ZNF831: variants seen among roughly 807,000 people sequenced by gnomAD.
The protein encoded by ZNF831 is chromosome 20 open reading frame 174.
In ZNF831, 59 loss-of-function variants were observed where a neutral mutation model predicts 95.8. That is an observed-to-expected ratio of 0.62 (90% CI 0.50 to 0.77). The LOEUF (loss-of-function observed/expected upper bound fraction) is 0.77, where lower values mean the gene tolerates loss of function less well. Among genes scored for constraint, ZNF831 ranks in the 30% least tolerant of loss-of-function variants. The pLI is 0.00. For missense variants in ZNF831, 2,205 were observed against 2,164.0 expected (o/e 1.02, Z -0.38); for synonymous variants, 961 against 925.5 (o/e 1.04, Z -0.70).
intron 1 of ZNF831, among the ~76,000 whole-genome samples, chr20:59,170,388 C>T (rs796625330): frequency 2.6e-5 from 4 of 152,298 alleles, no homozygotes; most frequent in African/African-American, 9.6e-5. Flanking sequence ...TCCTCTTTGA[C>T]CCATGGATTA....
At chr20:59,248,668 G>A (rs974301970) in intron 4 of ZNF831, among the ~76,000 whole-genome samples, 1 of 152,194 alleles carries the variant, frequency 6.6e-6, no homozygotes, top group African/African-American at 2.4e-5. Context: ...TGAATTGCAT[G>A]GTTGTTTTGT....
intron 4 of ZNF831, among the ~76,000 whole-genome samples, chr20:59,224,892 T>C (rs1445206697): frequency 6.6e-6 from 1 of 152,218 alleles, no homozygotes; most frequent in Admixed American, 6.5e-5. Context: ...GTTTTGTATG[T>C]TTTAATATGA....
At chr20:59,140,398 G>A (rs1304593975) in intron 1 of ZNF831, among the ~76,000 whole-genome samples, 1 of 152,166 alleles carries the variant, frequency 6.6e-6, no homozygotes, top group East Asian at 1.9e-4. Context: ...TCTGCTCCTG[G>A]TTGAGACTGG....
chr20:59,144,996 G>T (rs1379288958), intron 1 of ZNF831, among the ~76,000 whole-genome samples: 5 of 152,214 alleles, frequency 3.3e-5, no homozygotes, highest in African/African-American at 1.2e-4. Context: ...GGCAGGAGCA[G>T]TGAGGAGTAG....
intron 1 of ZNF831, among the ~76,000 whole-genome samples, chr20:59,166,670 C>A (rs914041512): frequency 2.0e-5 from 3 of 152,130 alleles, no homozygotes; most frequent in East Asian, 1.9e-4. Context: ...TGAATGGAAT[C>A]ATTCAGTGTG....
intron 1 of ZNF831, among the ~76,000 whole-genome samples, chr20:59,131,456 G>C (rs554596496): frequency 3.9e-5 from 6 of 152,330 alleles, no homozygotes; most frequent in Admixed American, 1.3e-4. Context: ...CCTCTGACTT[G>C]ACAGAGGGGA....
At position 59,176,798 on chromosome 20, in the gene ZNF831, A is replaced by AT. The variant is rs148461116; in HGVS notation, c.-37+12595dup. 1.7e-3 allele frequency among the ~76,000 whole-genome samples: 262 copies of AT among 152,252 alleles called. 2 individuals carry two copies. The highest frequency in any genetic ancestry group is 6.1e-3 in the African/African-American group (252 of 41,530). ...GAATTCAGCACTGCATCTGTTTGCT[A>AT]TTTTCCTGGATAATTATTGTAATTA... On this transcript the variant is annotated intron_variant, in intron 1 of 5. Transcript: ENST00000371030.
intron 4 of ZNF831, among the ~76,000 whole-genome samples, chr20:59,226,330 A>G (rs956956699): frequency 6.6e-6 from 1 of 152,110 alleles, no homozygotes; most frequent in Non-Finnish European, 1.5e-5. Context: ...GTTTTGTGCT[A>G]CAAGTGATGT....
chr20:59,245,773 C>T (rs1194122520), intron 4 of ZNF831, among the ~76,000 whole-genome samples: 1 of 152,158 alleles, frequency 6.6e-6, no homozygotes, highest in African/African-American at 2.4e-5. Flanking sequence ...GAATTCTGTA[C>T]ACGACCAAGC....
At chr20:59,227,746 A>G (rs1254123715) in intron 4 of ZNF831, among the ~76,000 whole-genome samples, 3 of 152,246 alleles carry the variant, frequency 2.0e-5, no homozygotes, top group Non-Finnish European at 4.4e-5. Flanking sequence ...ACACCATCAT[A>G]AACACCTCAG....
rs767282173 is a variant in ZNF831 at position 59,253,949 on chromosome 20, G to A, written c.4240G>A (p.Ala1414Thr). Residue 1414 changes from alanine to threonine, a missense_variant, in exon 6 of 6, where the codon GCT becomes ACT. By Grantham distance (58) the Ala-to-Thr change is moderately conservative. Coordinates refer to ENST00000371030, the MANE Select transcript of ZNF831 (RefSeq NM_178457.3). ...TGGTGACTGTACTACTCACAGCACT[G>A]CTGCCACATCAGGATTATCTCTGCA... ...EHGDCTTHST[A>T]ATSGLSLQSD... 8 of 1,599,990 alleles carry A rather than the reference G, an allele frequency of 5.0e-6. No individual in the cohort carries two copies. The highest frequency in any genetic ancestry group is 6.0e-6 in the Non-Finnish European group (7 of 1,175,994).
chr20:59,193,294 T>C lies in ZNF831; in HGVS notation c.2275T>C (p.Trp759Arg). The C allele has an allele frequency of 6.2e-7, 1 of 1,611,028 alleles. No individual in the cohort carries two copies. Among genetic ancestry groups the C allele is most frequent in the Non-Finnish European group, 8.5e-7 (1 of 1,178,754 alleles). Residue 759 changes from tryptophan to arginine, a missense_variant, in exon 2 of 6, where the codon TGG becomes CGG. Trp to Arg is a moderately radical substitution (Grantham distance 101). Coordinates refer to ENST00000371030, the MANE Select transcript of ZNF831 (RefSeq NM_178457.3). ...TCCAAATGGGAGGCTGGAACTGGGGTGGCAGATGCCCCCAGCACCTGGCCC... is the reference window on the plus strand; with the variant it reads ...TCCAAATGGGAGGCTGGAACTGGGGCGGCAGATGCCCCCAGCACCTGGCCC... ...VSPNGRLELG[W>R]QMPPAPGPLK...
At chr20:59,127,209 A>G (rs1448358974) in intron 1 of ZNF831, among the ~76,000 whole-genome samples, 3 of 152,056 alleles carry the variant, frequency 2.0e-5, no homozygotes, top group African/African-American at 7.2e-5. Flanking sequence ...GCATAGTCTG[A>G]ATCTGGCCAT....
At chr20:59,138,975 A>T (rs1005303293) in intron 1 of ZNF831, among the ~76,000 whole-genome samples, 1 of 149,342 alleles carries the variant, frequency 6.7e-6, no homozygotes, top group African/African-American at 2.5e-5. Flanking sequence ...CTCTCCGTCC[A>T]TTTCCCCAGA....
chr20:59,247,952 GTTTA>G (rs1003492141), intron 4 of ZNF831, among the ~76,000 whole-genome samples: 149 of 152,290 alleles, frequency 9.8e-4, no homozygotes, highest in African/African-American at 3.4e-3. Context: ...TCATCATGTT[GTTTA>G]TTTATTTCAT....
chr20:59,221,048 G>A (rs1006239196), intron 4 of ZNF831, among the ~76,000 whole-genome samples: 2 of 152,344 alleles, frequency 1.3e-5, no homozygotes, highest in Admixed American at 1.3e-4. Flanking sequence ...TGAGATTGAG[G>A]AGAGGCTCAA....
chr20:59,192,168 A>G lies in ZNF831; in HGVS notation c.1149A>G (p.Pro383=). The change falls in exon 2 of 6, where the codon CCA becomes CCG. Residue 383 remains proline (P), a synonymous_variant. Transcript: ENST00000371030. The surrounding 1 kb of genome is among the most constrained non-coding windows in gnomAD (Gnocchi z 5.2). ...SEGEGGPGPG[P]GVAGAEPGAR... Reference sequence around the variant, plus strand: ...GGGAGGGCGGCCCGGGCCCGGGGCCAGGGGTCGCAGGGGCCGAGCCCGGGG... The same window carrying G: ...GGGAGGGCGGCCCGGGCCCGGGGCCGGGGGTCGCAGGGGCCGAGCCCGGGG... 1 of 1,556,888 alleles carries G rather than the reference A, an allele frequency of 6.4e-7. No homozygotes were observed. The highest frequency in any genetic ancestry group is 1.2e-5 in the South Asian group (1 of 84,166).
rs368340628 is a variant in ZNF831, at chr20:59,254,713, C to T, written c.5004C>T (p.Asp1668=). The change falls in exon 6 of 6, where the codon GAC becomes GAT. Residue 1668 remains aspartate (D), a synonymous_variant. Transcript: ENST00000371030. This position sits in a 1 kb window ranked among gnomAD's most constrained non-coding sequence, Gnocchi z 4.5. ...TRVEFSDTSS[D]DEDRLVIEI ...TAGAGTTCAGTGACACCAGCAGCGA[C>T]GATGAAGACCGATTAGTTATAGAAA... 1.1e-5 allele frequency: 18 copies of T among 1,611,746 alleles called. No individual in the cohort carries two copies. Among genetic ancestry groups the T allele is most frequent in the African/African-American group, 9.4e-5 (7 of 74,586 alleles).
intron 4 of ZNF831, among the ~76,000 whole-genome samples, chr20:59,238,959 G>A (rs572947309): frequency 2.2e-4 from 33 of 152,284 alleles, no homozygotes; most frequent in African/African-American, 5.5e-4. Context: ...TCCTCTCTAT[G>A]AGAGAAATAT....
Sources: allele counts gnomAD v4.1 joint callset (sites outside exome capture counted in the v4.1 genomes callset), GRCh38; gene constraint gnomAD v4.1.1; non-coding constraint Gnocchi (gnomAD v3.1); transcripts MANE v1.5; gene names NCBI Gene and HGNC (gene_info 2026-07-23, HGNC 2026-07-21).